Variants in GNG2 observed in about 807,000 individuals in gnomAD.
GNG2 encodes the protein G protein subunit gamma 2.
GNG2 carries 5 observed loss-of-function variants against 5.5 expected under a neutral mutation model. That is an observed-to-expected ratio of 0.91 (90% confidence interval 0.48 to 1.92). The LOEUF is 1.92. GNG2 is among the 30% of genes most tolerant of loss of function. The pLI, the probability that GNG2 is intolerant of heterozygous loss-of-function variation, is 0.01. For synonymous variants in GNG2, 28 were observed against 32.0 expected (o/e 0.88, Z 0.42); for missense variants, 55 against 88.4 (o/e 0.62, Z 1.52).
chr14:51,960,606 C>CAATTGTTTAAAAATAACAATTGTTAAAAT (rs1452367214), intron 3 of GNG2, among the ~76,000 whole-genome samples: 2 of 152,106 alleles, frequency 1.3e-5, no homozygotes, highest in Admixed American at 1.3e-4. Flanking sequence ...GTTAAAATAA[C>CAATTGTTTAAAAATAACAATTGTTAAAAT]AATTGTTTAA....
intron 2 of GNG2, among the ~76,000 whole-genome samples, chr14:51,919,298 G>A (rs1190749534): frequency 6.6e-6 from 1 of 152,168 alleles, no homozygotes; most frequent in Non-Finnish European, 1.5e-5. Context: ...GGATAATAAT[G>A]GAAGTGTTTA....
intron 1 of GNG2, among the ~76,000 whole-genome samples, chr14:51,863,296 A>G (rs545328834): frequency 1.3e-5 from 2 of 152,342 alleles, no homozygotes; most frequent in South Asian, 2.1e-4. Context: ...ACCTTGGTAC[A>G]TTAACTTAGG....
chr14:51,922,862 A>G (rs754994746), intron 2 of GNG2, among the ~76,000 whole-genome samples: 1 of 152,118 alleles, frequency 6.6e-6, no homozygotes, highest in African/African-American at 2.4e-5. Flanking sequence ...AAAGATTGCA[A>G]CTGCAAATTT....
At chr14:51,838,374 G>A (rs1469465344) in intron 2 of GNG2, among the ~76,000 whole-genome samples, 1 of 151,936 alleles carries the variant, frequency 6.6e-6, no homozygotes, top group Non-Finnish European at 1.5e-5. Flanking sequence ...AACCCAGGAG[G>A]CAAAGGTTGC....
chr14:51,828,831 A>AC (rs1351836861), intron 2 of GNG2, among the ~76,000 whole-genome samples: 1 of 151,816 alleles, frequency 6.6e-6, no homozygotes. Flanking sequence ...CTTCAGGAAC[A>AC]CCCCAGGGGC....
At chr14:51,959,627 T>C (rs1030976641) in intron 3 of GNG2, among the ~76,000 whole-genome samples, 2 of 152,098 alleles carry the variant, frequency 1.3e-5, no homozygotes, top group African/African-American at 4.8e-5. Context: ...TTGACTCCCA[T>C]AGAGTACTGT....
rs1185551594 is a variant in GNG2 at position 51,969,438 on chromosome 14, T to C, written c.*2751T>C. On this transcript the variant is annotated 3_prime_UTR_variant, in exon 4 of 4. Coordinates refer to ENST00000556766, the MANE Select transcript of GNG2 (RefSeq NM_053064.5). The stretch of plus-strand genomic sequence containing the variant: ...TTTTGCTAATAATATTTGAAGGAGA[T>C]TGCCTACCAAGGACAAAACAATAAA... 1 of 152,188 alleles carries C rather than the reference T, an allele frequency of 6.6e-6. No individual in the cohort carries two copies. The highest frequency in any genetic ancestry group is 1.5e-5 in the Non-Finnish European group (1 of 68,024). 9.4% of individuals were successfully genotyped at this position (152,188 alleles called of 1,614,324 possible).
At chr14:51,937,380 G>A (rs1011397617) in intron 2 of GNG2, among the ~76,000 whole-genome samples, 1 of 117,334 alleles carries the variant, frequency 8.5e-6, no homozygotes, top group Admixed American at 8.4e-5. Flanking sequence ...TTCCCAAAAG[G>A]TCAGCATTTA....
At chr14:51,894,126 A>G (rs1566670066) in intron 2 of GNG2, among the ~76,000 whole-genome samples, 1 of 152,122 alleles carries the variant, frequency 6.6e-6, no homozygotes, top group Admixed American at 6.6e-5. Flanking sequence ...AAAGGGGAAA[A>G]CAACCATTGA....
intron 2 of GNG2, among the ~76,000 whole-genome samples, chr14:51,897,500 G>A (rs1195267827): frequency 6.6e-6 from 1 of 152,106 alleles, no homozygotes; most frequent in East Asian, 1.9e-4. Flanking sequence ...CCCCACAGAT[G>A]GAACCAAATT....
chr14:51,905,772 C>T (rs534801553), intron 2 of GNG2, among the ~76,000 whole-genome samples: 10 of 152,116 alleles, frequency 6.6e-5, no homozygotes, highest in African/African-American at 2.4e-4. Flanking sequence ...GGAAGTTTCC[C>T]CCATCCTGTT....
At chr14:51,876,752 G>A (rs909214192) in intron 1 of GNG2, among the ~76,000 whole-genome samples, 1 of 152,150 alleles carries the variant, frequency 6.6e-6, no homozygotes, top group Non-Finnish European at 1.5e-5. Context: ...CCAGTCTCAA[G>A]TAATGTGAGG....
intron 2 of GNG2, among the ~76,000 whole-genome samples, chr14:51,911,906 A>G (rs1465291580): frequency 6.8e-6 from 1 of 147,788 alleles, no homozygotes; most frequent in Non-Finnish European, 1.5e-5. Flanking sequence ...AAAGGAGTTG[A>G]ATCATGAAAA....
intron 2 of GNG2, among the ~76,000 whole-genome samples, chr14:51,887,955 G>GT (rs1216944563): frequency 6.6e-6 from 1 of 152,128 alleles, no homozygotes; most frequent in Non-Finnish European, 1.5e-5. Flanking sequence ...AATTTGATGA[G>GT]TATGCCTATG....
chr14:51,849,351 C>T (rs1464289495), intron 2 of GNG2, among the ~76,000 whole-genome samples: 1 of 152,224 alleles, frequency 6.6e-6, no homozygotes, highest in Non-Finnish European at 1.5e-5. Context: ...TGAAAAATCA[C>T]ACATTGTCAC....
At chr14:51,914,913 C>T (rs982185699) in intron 2 of GNG2, among the ~76,000 whole-genome samples, 3 of 152,202 alleles carry the variant, frequency 2.0e-5, no homozygotes, top group Non-Finnish European at 4.4e-5. Context: ...AAAGATGATA[C>T]ATGCCCTGCC....
chr14:51,887,738 A>G (rs1884567281), intron 2 of GNG2, among the ~76,000 whole-genome samples: 1 of 152,196 alleles, frequency 6.6e-6, no homozygotes, highest in Non-Finnish European at 1.5e-5. Flanking sequence ...AAATTACTGA[A>G]CTTTCTCAAC....
At chr14:51,927,227 T>C (rs1161245795) in intron 2 of GNG2, among the ~76,000 whole-genome samples, 1 of 8,410 alleles carries the variant, frequency 1.2e-4, no homozygotes, top group Non-Finnish European at 3.0e-4. Context: ...TTAAGACTCA[T>C]TGGGTGAATA....
chr14:51,900,131 G>A (rs1281460666), intron 2 of GNG2, among the ~76,000 whole-genome samples: 2 of 152,076 alleles, frequency 1.3e-5, no homozygotes, highest in East Asian at 1.9e-4. Context: ...CCCCCCAACA[G>A]TACCCAAGGG....
Sources: gnomAD v4.1 joint callset for allele counts (sites outside exome capture counted in the v4.1 genomes callset) on GRCh38, gnomAD v4.1.1 for gene constraint, MANE v1.5 for transcripts, NCBI Gene and HGNC (gene_info 2026-07-23, HGNC 2026-07-21) for gene names.